The following SLC5A11 variants were observed in gnomAD, a reference collection of about 807,000 sequenced individuals.
SLC5A11 encodes solute carrier family 5 member 11.
SLC5A11 carries 48 observed loss-of-function variants against 69.8 expected under a neutral mutation model. That is an observed-to-expected ratio of 0.69 (90% CI 0.55 to 0.87). The LOEUF (loss-of-function observed/expected upper bound fraction) is 0.87, where lower values mean the gene tolerates loss of function less well. Ranked by LOEUF, SLC5A11 falls within the 40% of genes least tolerant of loss-of-function variation. SLC5A11 has a pLI of 0.00. For synonymous variants in SLC5A11, 319 were observed against 342.4 expected, an observed-to-expected ratio of 0.93 and a Z score of 0.75; for missense variants, 784 against 866.1, an observed-to-expected ratio of 0.91 and a Z score of 1.19.
chr16:24,901,671 G>A (rs1236010747), intron 10 of SLC5A11, among the ~76,000 whole-genome samples: 4 of 151,966 alleles, frequency 2.6e-5, no homozygotes, highest in Non-Finnish European at 5.9e-5. Context: ...TATTTTGAGA[G>A]CCAATTATCT....
Position 24,910,485 on chromosome 16 carries a change from G to T in SLC5A11, c.1822+8G>T. 3 of 1,613,314 alleles carry T rather than the reference G, an allele frequency of 1.9e-6. No homozygotes were observed. Among genetic ancestry groups the T allele is most frequent in the Non-Finnish European group, 2.5e-6 (3 of 1,179,736 alleles). On this transcript the variant is annotated splice_region_variant and intron_variant, in intron 15 of 15. Coordinates refer to ENST00000347898, the Ensembl canonical transcript of SLC5A11. ...CGTCTAAAACCCACAGCTGTGAGTAGCTTCTCTCCTCAGTTACAGCAAGAA... is the reference window on the plus strand; with the variant it reads ...CGTCTAAAACCCACAGCTGTGAGTATCTTCTCTCCTCAGTTACAGCAAGAA...
exon 16 of SLC5A11, chr16:24,911,581 A>G (rs1555537695): frequency 1.3e-6 from 2 of 1,557,674 alleles, no homozygotes; most frequent in East Asian, 2.2e-5. Context: ...TCAGTGCTCC[A>G]TTTTTTTAAT....
intron 1 of SLC5A11, among the ~76,000 whole-genome samples, chr16:24,849,593 A>AAAAAAAAAAAAATAT: frequency 2.8e-5 from 1 of 35,922 alleles, no homozygotes; most frequent in African/African-American, 9.2e-5. Context: ...AAAAAAAAAA[A>AAAAAAAAAAAAATAT]ATATATATAT....
At chr16:24,849,593 A>ATATATATATATATATATAT (rs61292571) in intron 1 of SLC5A11, among the ~76,000 whole-genome samples, 1 of 35,920 alleles carries the variant, frequency 2.8e-5, no homozygotes, top group African/African-American at 9.2e-5. Context: ...AAAAAAAAAA[A>ATATATATATATATATATAT]ATATATATAT....
chr16:24,904,975 T>C (rs2049910683), intron 10 of SLC5A11, among the ~76,000 whole-genome samples: 1 of 151,916 alleles, frequency 6.6e-6, no homozygotes, highest in South Asian at 2.1e-4. Context: ...GTGTGTGATG[T>C]TCCCCTCCTT....
At chr16:24,906,854 A>C in intron 11 of SLC5A11, 90 bp downstream of exon 12, 1 of 1,412,744 alleles carries the variant, frequency 7.1e-7, no homozygotes, top group Non-Finnish European at 9.7e-7. Flanking sequence ...GGGTCAAGAA[A>C]GGAGGGCTGG....
At chr16:24,908,960 G>T in exon 14 of SLC5A11, 5 of 1,614,004 alleles carry the variant, frequency 3.1e-6, no homozygotes, top group Non-Finnish European at 4.2e-6. Context: ...GTGCAGCCTC[G>T]ATGCGACCAG....
At chr16:24,864,149 A>C (rs929798487) in intron 3 of SLC5A11, among the ~76,000 whole-genome samples, 1 of 152,176 alleles carries the variant, frequency 6.6e-6, no homozygotes, top group African/African-American at 2.4e-5. Context: ...AAACTCAGAC[A>C]TATTTCTGGG....
intron 1 of SLC5A11, among the ~76,000 whole-genome samples, chr16:24,847,380 G>T: frequency 1.1e-4 from 13 of 122,170 alleles, no homozygotes; most frequent in South Asian, 5.5e-4. Context: ...TTCCTTCTTT[G>T]CCTCCTCTCT....
intron 9 of SLC5A11, among the ~76,000 whole-genome samples, chr16:24,895,933 CTGTGGTA>C (rs1222607358): frequency 5.9e-5 from 9 of 152,122 alleles, no homozygotes; most frequent in Non-Finnish European, 1.3e-4. Flanking sequence ...ATTATTGGGG[CTGTGGTA>C]TGGGGTTTGC....
intron 1 of SLC5A11, chr16:24,846,755 T>C (rs2059032147): frequency 6.6e-6 from 1 of 152,226 alleles, no homozygotes; most frequent in African/African-American, 2.4e-5. Context: ...AATGGGAATA[T>C]GAACCTCAGG....
At chr16:24,850,070 C>G (rs2059232186) in intron 1 of SLC5A11, among the ~76,000 whole-genome samples, 1 of 151,868 alleles carries the variant, frequency 6.6e-6, no homozygotes, top group South Asian at 2.1e-4. Flanking sequence ...CCCAAATAGC[C>G]AGGCCCACAG....
intron 3 of SLC5A11, among the ~76,000 whole-genome samples, chr16:24,865,702 C>T (rs1340372315): frequency 6.6e-6 from 1 of 151,892 alleles, no homozygotes; most frequent in Non-Finnish European, 1.5e-5. Flanking sequence ...TGTATACATT[C>T]CTAGACTTTT....
intron 8 of SLC5A11, among the ~76,000 whole-genome samples, chr16:24,885,201 A>G (rs576854396): frequency 1.5e-4 from 23 of 152,254 alleles, no homozygotes; most frequent in African/African-American, 4.8e-4. Flanking sequence ...CTGAGATCTC[A>G]GGCCAGTTGG....
rs373913696 is a variant in SLC5A11 at position 24,876,274 on chromosome 16, C to G, written c.477+543C>G. On this transcript the variant is annotated intron_variant, in intron 6 of 15. Coordinates refer to ENST00000347898, the Ensembl canonical transcript of SLC5A11. ...GAGGGAAGGACTTTCTCTCCTACTCCTGCCAAAGCTTCTTTGTCAACATCT... is the reference window on the plus strand; with the variant it reads ...GAGGGAAGGACTTTCTCTCCTACTCGTGCCAAAGCTTCTTTGTCAACATCT... Among the ~76,000 whole-genome samples, 7 of 152,100 alleles carry G rather than the reference C, an allele frequency of 4.6e-5. No individual in the cohort carries two copies. The East Asian group carries it at 1.3e-3, about 29-fold the overall frequency.
At chr16:24,877,054 G>T in intron 6 of SLC5A11, 1 of 1,400,608 alleles carries the variant, frequency 7.1e-7, no homozygotes, top group Middle Eastern at 2.7e-4. Flanking sequence ...CATTGAGGAG[G>T]CTGCTGCATC....
intron 4 of SLC5A11, 115 bp downstream of exon 5, chr16:24,870,120 C>T (rs943282626): frequency 1.3e-5 from 9 of 698,840 alleles, no homozygotes; most frequent in Non-Finnish European, 1.9e-5. Context: ...GGGCCAGGCG[C>T]GGTGGCTCAC....
chr16:24,869,299 C>G (rs1389872109), intron 3 of SLC5A11, among the ~76,000 whole-genome samples: 2 of 152,130 alleles, frequency 1.3e-5, no homozygotes, highest in South Asian at 4.2e-4. Flanking sequence ...TTCAATATCT[C>G]CAGTCCAAGG....
intron 1 of SLC5A11, among the ~76,000 whole-genome samples, chr16:24,853,168 A>G (rs2059387173): frequency 6.6e-6 from 1 of 151,210 alleles, no homozygotes; most frequent in South Asian, 2.1e-4. Context: ...GTGCCTAATA[A>G]TGTTTGTTGC....
Sources: gnomAD v4.1 joint callset for allele counts (sites outside exome capture counted in the v4.1 genomes callset) on GRCh38, gnomAD v4.1.1 for gene constraint, MANE v1.5 for transcripts, NCBI Gene and HGNC (gene_info 2026-07-23, HGNC 2026-07-21) for gene names.